The following SMAD3 variants were observed in gnomAD, a reference collection of about 807,000 sequenced individuals.
SMAD3 encodes MAD homolog 3.
In SMAD3, 12 loss-of-function variants were observed where a neutral mutation model predicts 51.8. The observed-to-expected ratio is 0.23, with a 90% CI of 0.15 to 0.38. The LOEUF is 0.38. Ranked by LOEUF, SMAD3 falls within the 10% of genes least tolerant of loss-of-function variation. The pLI is 1.00. For missense variants in SMAD3, 294 were observed against 565.6 expected (o/e 0.52, Z 4.87); for synonymous variants, 238 against 227.7 (o/e 1.05, Z -0.41).
At chr15:67,089,348 C>G (rs1188636664) in intron 1 of SMAD3, among the ~76,000 whole-genome samples, 1 of 152,192 alleles carries the variant, frequency 6.6e-6, no homozygotes, top group Non-Finnish European at 1.5e-5. Context: ...CAGTCTTCGT[C>G]CTCAGCCTCC....
In SMAD3 at chr15:67,194,264, G is replaced by T. The variant is rs933372220; in HGVS notation, c.*3728G>T. ...CCTTTCAGGTAACCGTCTTCACAAT[G>T]TATTTTCATCACAGTTTAAGGAGCA... On this transcript the variant is annotated 3_prime_UTR_variant, in exon 9 of 9. Coordinates refer to ENST00000327367, the MANE Select transcript of SMAD3 (RefSeq NM_005902.4). 5 of 233,242 alleles carry T rather than the reference G, an allele frequency of 2.1e-5. No homozygotes were observed. Among genetic ancestry groups the T allele is most frequent in the Non-Finnish European group, 4.2e-5 (5 of 118,022 alleles). 14.4% of individuals were successfully genotyped at this position (233,242 alleles called of 1,614,324 possible).
chr15:67,170,539 T>C lies in SMAD3; in HGVS notation c.608-15T>C, dbSNP rs371614939. On this transcript the variant is annotated splice_polypyrimidine_tract_variant and intron_variant, in intron 4 of 8. Transcript: ENST00000327367. ...GAATCTTTTGTGAAGTCTCACAACT[T>C]GTCTCACCTCGCAGGTTCTCCAAAC... 140 of 1,612,544 alleles carry C rather than the reference T, an allele frequency of 8.7e-5. No homozygotes were observed. Among genetic ancestry groups the C allele is most frequent in the Non-Finnish European group, 1.1e-4 (135 of 1,178,642 alleles).
At chr15:67,066,988 A>T (rs139648739) in intron 1 of SMAD3, among the ~76,000 whole-genome samples, 283 of 152,284 alleles carry the variant, frequency 1.9e-3, no homozygotes, top group African/African-American at 6.5e-3. Context: ...GCATGCACGC[A>T]CTTTGGTTGC....
At chr15:67,176,084 T>C (rs1172237214) in intron 5 of SMAD3, among the ~76,000 whole-genome samples, 1 of 152,114 alleles carries the variant, frequency 6.6e-6, no homozygotes, top group African/African-American at 2.4e-5. Context: ...CTGTGCAGCT[T>C]GGTTTGGTAT....
At chr15:67,170,169 C>T (rs564901338) in intron 4 of SMAD3, among the ~76,000 whole-genome samples, 8 of 152,142 alleles carry the variant, frequency 5.3e-5, no homozygotes, top group Non-Finnish European at 7.3e-5. Context: ...CTTCCCTGCT[C>T]CTCTCATTTT....
intron 1 of SMAD3, among the ~76,000 whole-genome samples, chr15:67,068,928 T>C (rs12901148): frequency 0.14 from 21,386 of 152,074 alleles, 1,569 homozygotes; most frequent in Middle Eastern, 0.19. Flanking sequence ...GTTTGGAAAG[T>C]AGAGAAAGGA....
chr15:67,138,922 TG>T (rs1961742801), intron 1 of SMAD3, among the ~76,000 whole-genome samples: 1 of 152,264 alleles, frequency 6.6e-6, no homozygotes, highest in Non-Finnish European at 1.5e-5. Context: ...TAGTGGAATT[TG>T]ATCAGTGTTT....
In SMAD3 at chr15:67,132,648, A is replaced by G. The variant is rs142308410; in HGVS notation, c.207-32247A>G. On this transcript the variant is annotated intron_variant, in intron 1 of 8. Transcript: ENST00000327367. ...GGCATAATGCCACCTGTGAGCCCCC[A>G]TTTTCCTCACTAGGACAGTGAACTC... Among the ~76,000 whole-genome samples the G allele has an allele frequency of 4.6e-5, 7 of 152,174 alleles. No homozygotes were observed. In the East Asian group the frequency reaches 1.4e-3, roughly 29 times the overall value.
intron 1 of SMAD3, among the ~76,000 whole-genome samples, chr15:67,146,622 C>T (rs557723422): frequency 6.6e-6 from 1 of 152,210 alleles, no homozygotes; most frequent in East Asian, 1.9e-4. Context: ...CATACAGAGA[C>T]ATTGTCTCTG....
At chr15:67,097,925 G>T (rs1960650624) in intron 1 of SMAD3, among the ~76,000 whole-genome samples, 1 of 152,172 alleles carries the variant, frequency 6.6e-6, no homozygotes, top group South Asian at 2.1e-4. Flanking sequence ...TTACTGGAAT[G>T]AAAGAAAAAT....
At position 67,193,483 on chromosome 15, in the gene SMAD3, A is replaced by G. The variant is rs1184993510; in HGVS notation, c.*2947A>G. 4.3e-6 allele frequency: 1 copy of G among 233,746 alleles called. No individual in the cohort carries two copies. Among genetic ancestry groups the G allele is most frequent in the Non-Finnish European group, 8.5e-6 (1 of 118,060 alleles). The allele number at this position is 233,746 out of a possible 1,614,324, so 14.5% of individuals were successfully genotyped here. A position where few individuals can be genotyped will look rare whatever the true frequency, so the allele number is the denominator to read the frequency against. Reference sequence around the variant, plus strand: ...ATTTAGTAACTTAGATGCTTCCAGCACATACGTAGGTAGCTACCCCAGCCG... The same window carrying G: ...ATTTAGTAACTTAGATGCTTCCAGCGCATACGTAGGTAGCTACCCCAGCCG... On this transcript the variant is annotated 3_prime_UTR_variant, in exon 9 of 9. Coordinates refer to ENST00000327367, the MANE Select transcript of SMAD3 (RefSeq NM_005902.4).
chr15:67,111,173 G>T (rs894745703), intron 1 of SMAD3, among the ~76,000 whole-genome samples: 1 of 152,048 alleles, frequency 6.6e-6, no homozygotes, highest in Non-Finnish European at 1.5e-5. Flanking sequence ...CCTTAGCCCT[G>T]GCAACTTAGT....
At chr15:67,182,051 TG>T (rs1963076425) in intron 6 of SMAD3, among the ~76,000 whole-genome samples, 1 of 152,100 alleles carries the variant, frequency 6.6e-6, no homozygotes, top group Admixed American at 6.5e-5. Flanking sequence ...CCTCCCAAAG[TG>T]CTGGGATTAC....
rs371619137 is a variant in SMAD3, at chr15:67,098,789, A to C, written c.206+32429A>C. 2,355 of 671,336 alleles carry C rather than the reference A, an allele frequency of 3.5e-3. 11 individuals carry two copies. Among genetic ancestry groups the C allele is most frequent in the South Asian group, 4.5e-3 (280 of 61,950 alleles). The allele number at this position is 671,336 out of a possible 1,614,324, so 41.6% of individuals were successfully genotyped here. On this transcript the variant is annotated intron_variant, in intron 1 of 8. Coordinates refer to ENST00000327367, the MANE Select transcript of SMAD3 (RefSeq NM_005902.4). ...GGAAGGCAGGTGGAAGTGGGCATGG[A>C]GGGTCCTACGCATCCCCAGCGGGGG...
chr15:67,107,588 T>A (rs1031233209), intron 1 of SMAD3, among the ~76,000 whole-genome samples: 2 of 152,204 alleles, frequency 1.3e-5, no homozygotes, highest in African/African-American at 4.8e-5. Context: ...CCTTCCCGCC[T>A]CTCTGAGCCT....
At position 67,113,173 on chromosome 15, in the gene SMAD3, T is replaced by G. The variant is rs569849928; in HGVS notation, c.206+46813T>G. ...ATCTTGGCTCACTGCAAACTCTGCC[T>G]CCCGGGTTCACGTCATTCTCCTGCC... On this transcript the variant is annotated intron_variant, in intron 1 of 8. Coordinates refer to ENST00000327367, the MANE Select transcript of SMAD3 (RefSeq NM_005902.4). 3.2e-5 allele frequency among the ~76,000 whole-genome samples: 4 copies of G among 124,218 alleles called. 1 individual carries two copies. The highest frequency in any genetic ancestry group is 1.3e-4 in the African/African-American group (4 of 31,236). 81.5% of individuals were successfully genotyped at this position (124,218 alleles called of 152,430 possible).
intron 1 of SMAD3, among the ~76,000 whole-genome samples, chr15:67,145,074 CCT>C (rs1161459991): frequency 6.6e-6 from 1 of 152,012 alleles, no homozygotes. Flanking sequence ...GGAAATGTAC[CCT>C]CTTTTCCATA....
chr15:67,116,876 G>C (rs1042062042), intron 1 of SMAD3, among the ~76,000 whole-genome samples: 3 of 152,166 alleles, frequency 2.0e-5, no homozygotes, highest in African/African-American at 4.8e-5. Context: ...AGTGACAATG[G>C]CATGCCAGGT....
chr15:67,179,406 G>C (rs1490653108), intron 5 of SMAD3, among the ~76,000 whole-genome samples: 3 of 152,160 alleles, frequency 2.0e-5, no homozygotes, highest in Admixed American at 2.0e-4. Context: ...GCAATCTGCA[G>C]ATCCTCCCTC....
Sources: gnomAD v4.1 joint callset for allele counts (sites outside exome capture counted in the v4.1 genomes callset) on GRCh38, gnomAD v4.1.1 for gene constraint, MANE v1.5 for transcripts, NCBI Gene and HGNC (gene_info 2026-07-23, HGNC 2026-07-21) for gene names.